Variants in NRXN1 observed in about 807,000 individuals in gnomAD.
NRXN1 encodes the protein neurexin 1, also known as neurexin-1.
A neutral mutation model predicts 150.9 loss-of-function variants in NRXN1; 39 were observed. The observed-to-expected ratio is 0.26, with a 90% CI of 0.20 to 0.34. The LOEUF (loss-of-function observed/expected upper bound fraction) is 0.34. NRXN1 is among the 10% of genes least tolerant of loss of function. The pLI is 1.00. For missense variants in NRXN1, 1,815 were observed against 1,949.9 expected (o/e 0.93, Z 1.30); for synonymous variants, 924 against 757.0 (o/e 1.22, Z -3.62).
At chr2:50,896,396 A>C (rs1681960250) in intron 5 of NRXN1, among the ~76,000 whole-genome samples, 1 of 152,146 alleles carries the variant, frequency 6.6e-6, no homozygotes, top group Non-Finnish European at 1.5e-5. Flanking sequence ...TGGGGCTTAT[A>C]CTCTGCAGAG....
chr2:50,161,058 T>C (rs1016925456), intron 18 of NRXN1, among the ~76,000 whole-genome samples: 1 of 152,120 alleles, frequency 6.6e-6, no homozygotes, highest in African/African-American at 2.4e-5. Flanking sequence ...TTATATTTGA[T>C]ATTTCTGTTT....
intron 5 of NRXN1, among the ~76,000 whole-genome samples, chr2:50,851,206 T>A (rs1674468749): frequency 6.6e-6 from 1 of 151,928 alleles, no homozygotes; most frequent in Non-Finnish European, 1.5e-5. Flanking sequence ...GAGCCATAGG[T>A]CTAGGCATTT....
intron 5 of NRXN1, chr2:50,631,025 ATTATC>A (rs1210387895): frequency 9.7e-6 from 4 of 410,954 alleles, no homozygotes; most frequent in African/African-American, 2.2e-5. Context: ...GAAATTTACT[ATTATC>A]TTATTTGCCA....
rs2064011817 is a variant in NRXN1 at position 50,222,883 on chromosome 2, TAG to T, written c.3546+13904_3546+13905del. ...AATGTATATGCATAAGATTAAAGAT[TAG>T]AGTTTTAGACACCACAGTAAAAAAG... On this transcript the variant is annotated intron_variant, in intron 18 of 22. Transcript: ENST00000401669. 9.2e-5 allele frequency among the ~76,000 whole-genome samples: 14 copies of T among 152,044 alleles called. No individual in the cohort carries two copies. In the South Asian group the frequency reaches 2.7e-3, roughly 29 times the overall value.
intron 17 of NRXN1, among the ~76,000 whole-genome samples, chr2:50,345,736 T>C (rs2077905047): frequency 6.6e-6 from 1 of 152,210 alleles, no homozygotes; most frequent in Non-Finnish European, 1.5e-5. Context: ...TACACTCTGC[T>C]GTTTTCAAAG....
intron 2 of NRXN1, among the ~76,000 whole-genome samples, chr2:50,927,549 T>A (rs1456912328): frequency 6.6e-6 from 1 of 152,036 alleles, no homozygotes; most frequent in South Asian, 2.1e-4. Flanking sequence ...GTGGTGACTT[T>A]GATGTTACAC....
intron 8 of NRXN1, among the ~76,000 whole-genome samples, chr2:50,564,888 A>G (rs113201040): frequency 0.014 from 2,176 of 152,218 alleles, 22 homozygotes; most frequent in Non-Finnish European, 0.022. Flanking sequence ...TGCTTAGTTA[A>G]CTGTTTATTT....
intron 17 of NRXN1, among the ~76,000 whole-genome samples, chr2:50,279,529 G>A (rs2071116915): frequency 6.6e-6 from 1 of 152,044 alleles, no homozygotes; most frequent in Non-Finnish European, 1.5e-5. Flanking sequence ...TGACCATGAT[G>A]ATTATCCTAG....
intron 17 of NRXN1, among the ~76,000 whole-genome samples, chr2:50,410,010 G>A (rs1012206997): frequency 3.3e-5 from 5 of 151,908 alleles, no homozygotes; most frequent in South Asian, 2.1e-4. Flanking sequence ...CATTCCCTAC[G>A]TGAACCCTTT....
At chr2:50,777,340 C>A (rs758458248) in intron 5 of NRXN1, among the ~76,000 whole-genome samples, 10 of 152,080 alleles carry the variant, frequency 6.6e-5, no homozygotes, top group Middle Eastern at 3.2e-3. Flanking sequence ...TTTCTATGGT[C>A]ATATGCCTAA....
At chr2:50,420,057 G>C (rs2083856166) in intron 17 of NRXN1, among the ~76,000 whole-genome samples, 1 of 152,020 alleles carries the variant, frequency 6.6e-6, no homozygotes, top group African/African-American at 2.4e-5. Context: ...AGGAATAAAA[G>C]AGACTAAACA....
At position 50,223,234 on chromosome 2, in the gene NRXN1, G is replaced by A. The variant is rs540739803; in HGVS notation, c.3546+13555C>T. On this transcript the variant is annotated intron_variant, in intron 18 of 22. Transcript: ENST00000401669. The stretch of plus-strand genomic sequence containing the variant: ...TAATATAAATACAGTCTACTGAGAA[G>A]GACAAAGTTAAGGAAAAACTAGTTA... 5.3e-5 allele frequency among the ~76,000 whole-genome samples: 8 copies of A among 152,004 alleles called. No individual in the cohort carries two copies. The South Asian group carries it at 1.7e-3, about 32-fold the overall frequency.
intron 5 of NRXN1, among the ~76,000 whole-genome samples, chr2:50,797,330 A>G (rs1369220377): frequency 6.6e-6 from 1 of 152,084 alleles, no homozygotes; most frequent in African/African-American, 2.4e-5. Flanking sequence ...GTAGTTCTCA[A>G]TCACTGGAGA....
intron 2 of NRXN1, among the ~76,000 whole-genome samples, chr2:50,930,081 C>G (rs893567910): frequency 6.6e-6 from 1 of 152,074 alleles, no homozygotes; most frequent in Non-Finnish European, 1.5e-5. Context: ...TGCTTTTTAA[C>G]AGAGGACATC....
intron 17 of NRXN1, among the ~76,000 whole-genome samples, chr2:50,377,380 G>A (rs912059706): frequency 1.3e-5 from 2 of 152,120 alleles, no homozygotes; most frequent in African/African-American, 2.4e-5. Context: ...ACTGTGCTGA[G>A]GATAATGGCT....
intron 8 of NRXN1, among the ~76,000 whole-genome samples, chr2:50,585,682 A>G (rs1672989616): frequency 6.6e-6 from 1 of 152,230 alleles, no homozygotes; most frequent in Non-Finnish European, 1.5e-5. Flanking sequence ...TTCAAAAGTA[A>G]TAAGCACACA....
intron 5 of NRXN1, among the ~76,000 whole-genome samples, chr2:50,695,194 C>G (rs889840): frequency 0.33 from 48,650 of 148,298 alleles, 8,723 homozygotes; most frequent in East Asian, 0.55. Flanking sequence ...AAGGGGGTGG[C>G]GGTGGGGGGA....
intron 15 of NRXN1, among the ~76,000 whole-genome samples, chr2:50,472,960 G>A (rs1205694540): frequency 3.3e-5 from 5 of 151,830 alleles, no homozygotes; most frequent in Non-Finnish European, 5.9e-5. Flanking sequence ...AAGAGCAAAA[G>A]TATAAAGTGG....
chr2:50,487,520 T>C (rs987867153), intron 15 of NRXN1, among the ~76,000 whole-genome samples: 4 of 152,196 alleles, frequency 2.6e-5, no homozygotes, highest in African/African-American at 9.6e-5. Flanking sequence ...TCATTAAAAA[T>C]GCACTTTCCT....
Sources: gnomAD v4.1 joint callset for allele counts (sites outside exome capture counted in the v4.1 genomes callset) on GRCh38, gnomAD v4.1.1 for gene constraint, MANE v1.5 for transcripts, NCBI Gene and HGNC (gene_info 2026-07-23, HGNC 2026-07-21) for gene names.